PTPRM: variants seen among roughly 807,000 people sequenced by gnomAD.
PTPRM encodes receptor-type tyrosine-protein phosphatase mu.
PTPRM carries 47 observed loss-of-function variants against 186.7 expected under a neutral mutation model. The ratio of observed to expected loss-of-function variants is 0.25; its 90% confidence interval spans 0.20 to 0.32. The LOEUF (loss-of-function observed/expected upper bound fraction) is 0.32, where lower values mean the gene tolerates loss of function less well. Ranked by LOEUF, PTPRM falls within the 10% of genes least tolerant of loss-of-function variation. The pLI is 1.00. For missense variants in PTPRM, 1,494 were observed against 1,865.0 expected (o/e 0.80, Z 3.66); for synonymous variants, 668 against 674.9 (o/e 0.99, Z 0.16).
chr18:8,097,471 C>A (rs1229929356), intron 11 of PTPRM, among the ~76,000 whole-genome samples: 4 of 152,126 alleles, frequency 2.6e-5, no homozygotes, highest in Non-Finnish European at 5.9e-5. Context: ...AAATCCTGGC[C>A]CTTCATAGCA....
chr18:7,658,265 G>C (rs1214773727), intron 1 of PTPRM, among the ~76,000 whole-genome samples: 1 of 149,922 alleles, frequency 6.7e-6, no homozygotes, highest in South Asian at 2.1e-4. Context: ...TTTTTCTCCA[G>C]CATGATCCCT....
At chr18:8,043,870 T>G (rs2086847081) in intron 7 of PTPRM, among the ~76,000 whole-genome samples, 2 of 152,120 alleles carry the variant, frequency 1.3e-5, no homozygotes, top group South Asian at 4.2e-4. Flanking sequence ...AATGAAAAAT[T>G]ATAAAAAGCA....
chr18:7,615,151 C>A (rs926890604), intron 1 of PTPRM, among the ~76,000 whole-genome samples: 2 of 152,046 alleles, frequency 1.3e-5, no homozygotes, highest in African/African-American at 4.8e-5. Context: ...TCAATTTGGG[C>A]AGCTGGTTTG....
At chr18:7,851,726 G>C (rs1182514027) in intron 2 of PTPRM, among the ~76,000 whole-genome samples, 1 of 152,116 alleles carries the variant, frequency 6.6e-6, no homozygotes, top group African/African-American at 2.4e-5. Flanking sequence ...AAAAGAAAAT[G>C]ATCCTAGGTA....
intron 14 of PTPRM, among the ~76,000 whole-genome samples, chr18:8,169,073 G>C (rs2093361618): frequency 6.6e-6 from 1 of 152,120 alleles, no homozygotes; most frequent in Non-Finnish European, 1.5e-5. Flanking sequence ...GCTCCTAGGA[G>C]ATAGTTTCCT....
At chr18:7,858,504 T>C (rs1029809692) in intron 2 of PTPRM, among the ~76,000 whole-genome samples, 7 of 152,308 alleles carry the variant, frequency 4.6e-5, no homozygotes, top group Admixed American at 4.6e-4. Context: ...GACATTACAA[T>C]GAGCTGTGAT....
At chr18:8,120,846 C>G (rs2092145222) in intron 13 of PTPRM, among the ~76,000 whole-genome samples, 1 of 152,112 alleles carries the variant, frequency 6.6e-6, no homozygotes, top group Non-Finnish European at 1.5e-5. Context: ...GAGAACAGGT[C>G]AGACTCTCCT....
At chr18:7,691,731 A>G (rs542758194) in intron 1 of PTPRM, among the ~76,000 whole-genome samples, 7 of 152,276 alleles carry the variant, frequency 4.6e-5, no homozygotes, top group African/African-American at 1.4e-4. Flanking sequence ...CCTGGGCAAC[A>G]TAGTGAGACC....
In PTPRM at chr18:7,867,447, T is replaced by G. The variant is rs1368917568; in HGVS notation, c.197-20659T>G. 2.0e-5 allele frequency among the ~76,000 whole-genome samples: 3 copies of G among 152,344 alleles called. No homozygotes were observed. The East Asian group carries it at 5.8e-4, about 29-fold the overall frequency. On this transcript the variant is annotated intron_variant, in intron 2 of 32. Coordinates refer to ENST00000580170, the MANE Select transcript of PTPRM (RefSeq NM_001105244.2). ...GTCTGTAATGTATTTTATTTCTCCT[T>G]CACTTATGAAGCTTAATTTGGGTGG...
intron 2 of PTPRM, among the ~76,000 whole-genome samples, chr18:7,842,841 T>TAGAG (rs375833450): frequency 0.32 from 43,408 of 133,650 alleles, 7,546 homozygotes; most frequent in Admixed American, 0.46. Flanking sequence ...TATATATATA[T>TAGAG]AGAGAGAGAG....
At chr18:8,002,736 T>G (rs1362957450) in intron 7 of PTPRM, among the ~76,000 whole-genome samples, 1 of 152,172 alleles carries the variant, frequency 6.6e-6, no homozygotes, top group African/African-American at 2.4e-5. Flanking sequence ...GTGATTCTGA[T>G]GCATTTTAAA....
intron 20 of PTPRM, among the ~76,000 whole-genome samples, chr18:8,305,357 G>A (rs2095210338): frequency 6.6e-6 from 1 of 152,212 alleles, no homozygotes; most frequent in Non-Finnish European, 1.5e-5. Context: ...CTTGAATTAA[G>A]TCATTGGCAC....
chr18:7,966,652 AG>A (rs1229321939), intron 7 of PTPRM, among the ~76,000 whole-genome samples: 2 of 148,702 alleles, frequency 1.3e-5, no homozygotes, highest in African/African-American at 4.9e-5. Context: ...GGGAAGCGCA[AG>A]GGGTCAGGGA....
At chr18:7,687,639 T>TA (rs1172716350) in intron 1 of PTPRM, among the ~76,000 whole-genome samples, 2 of 152,180 alleles carry the variant, frequency 1.3e-5, no homozygotes, top group African/African-American at 4.8e-5. Context: ...AGAAGATGTT[T>TA]ATATCAGGTA....
At chr18:7,614,555 T>G (rs1015257816) in intron 1 of PTPRM, among the ~76,000 whole-genome samples, 2 of 152,212 alleles carry the variant, frequency 1.3e-5, no homozygotes, top group Non-Finnish European at 2.9e-5. Flanking sequence ...AAGGATTGTC[T>G]TTTTCTTTAG....
In PTPRM at chr18:8,395,244, ATCTGTAGGAAACAGCAGGAC is replaced by A. The variant is rs1240422915; in HGVS notation, c.4344+635_4344+654del. Reference sequence around the variant, plus strand: ...GCACTTCTCTGTGAGTGGAGGAAGGATCTGTAGGAAACAGCAGGACTAATCCAAGGTTGGAAAATGGCTTG... The same window carrying A: ...GCACTTCTCTGTGAGTGGAGGAAGGATAATCCAAGGTTGGAAAATGGCTTG... On this transcript the variant is annotated intron_variant, in intron 32 of 32. Transcript: ENST00000580170. 2.0e-5 allele frequency among the ~76,000 whole-genome samples: 3 copies of A among 152,160 alleles called. No homozygotes were observed. In the South Asian group the frequency reaches 6.2e-4, roughly 32 times the overall value.
At chr18:8,011,287 T>C (rs2084511964) in intron 7 of PTPRM, among the ~76,000 whole-genome samples, 1 of 152,128 alleles carries the variant, frequency 6.6e-6, no homozygotes, top group Non-Finnish European at 1.5e-5. Context: ...GAAATATCAA[T>C]GTCCCAAATC....
At chr18:8,211,069 A>T (rs984773815) in intron 14 of PTPRM, among the ~76,000 whole-genome samples, 1 of 152,228 alleles carries the variant, frequency 6.6e-6, no homozygotes, top group Non-Finnish European at 1.5e-5. Flanking sequence ...TAGGATCAAA[A>T]TCCTCACTGG....
intron 7 of PTPRM, among the ~76,000 whole-genome samples, chr18:8,048,790 T>C (rs999019933): frequency 1.6e-4 from 24 of 152,214 alleles, no homozygotes; most frequent in African/African-American, 4.3e-4. Flanking sequence ...GTAACACTTA[T>C]CTGCTTAGTA....
Sources: allele counts gnomAD v4.1 joint callset (sites outside exome capture counted in the v4.1 genomes callset), GRCh38; gene constraint gnomAD v4.1.1; transcripts MANE v1.5; gene names NCBI Gene and HGNC (gene_info 2026-07-23, HGNC 2026-07-21).